PLEKHA3: variants seen among roughly 807,000 people sequenced by gnomAD.
The protein encoded by PLEKHA3 is pleckstrin homology domain-containing family A member 3.
A neutral mutation model predicts 39.2 loss-of-function variants in PLEKHA3; 19 were observed. That is an observed-to-expected ratio of 0.48 (90% CI 0.34 to 0.71). The LOEUF is 0.71. Among genes scored for constraint, PLEKHA3 ranks in the 30% least tolerant of loss-of-function variants. The probability of loss-of-function intolerance (pLI) is 0.01; values close to 1 mark genes in which losing one functional copy is unlikely to be tolerated. For missense variants in PLEKHA3, 253 were observed against 359.5 expected, an observed-to-expected ratio of 0.70 and a Z score of 2.40; for synonymous variants, 97 against 118.6, an observed-to-expected ratio of 0.82 and a Z score of 1.18.
In PLEKHA3 at chr2:178,514,328, G is replaced by A. The variant is rs192553090; in HGVS notation, c.*10441G>A. 1 of 152,204 alleles carries A rather than the reference G, an allele frequency of 6.6e-6. No homozygotes were observed. The highest frequency in any genetic ancestry group is 6.5e-5 in the Admixed American group (1 of 15,294). The allele number at this position is 152,204 out of a possible 1,614,324, so 9.4% of individuals were successfully genotyped here. ...ATGTCTGCATGGGCTTACTAAGAGG[G>A]TGTGGGGAATGGTGGCAGGGGTAAC... On this transcript the variant is annotated 3_prime_UTR_variant, in exon 8 of 8. Coordinates refer to ENST00000234453, the MANE Select transcript of PLEKHA3 (RefSeq NM_019091.4).
chr2:178,503,485 T>G (rs1685561961), intron 7 of PLEKHA3, among the ~76,000 whole-genome samples: 1 of 151,972 alleles, frequency 6.6e-6, no homozygotes. Flanking sequence ...CTACCTATTA[T>G]GTGCCAACCA....
rs1251329377 is a variant in PLEKHA3, at chr2:178,509,560, C to T, written c.*5673C>T. ...TGGAGTGATCTCAGCTCACTGCAGT[C>T]TCGACCTCCCAGGCTCAAATGATCC... On this transcript the variant is annotated 3_prime_UTR_variant, in exon 8 of 8. Transcript: ENST00000234453. The T allele has an allele frequency of 6.6e-6, 1 of 151,352 alleles. No individual in the cohort carries two copies. Among genetic ancestry groups the T allele is most frequent in the Non-Finnish European group, 1.5e-5 (1 of 67,974 alleles). 9.4% of individuals were successfully genotyped at this position (151,352 alleles called of 1,614,324 possible). A position where few individuals can be genotyped will look rare whatever the true frequency, so the allele number is the denominator to read the frequency against.
rs1207614866 is a variant in PLEKHA3 at position 178,515,136 on chromosome 2, T to C, written c.*11249T>C. 6.6e-6 allele frequency: 1 copy of C among 151,778 alleles called. No individual in the cohort carries two copies. Among genetic ancestry groups the C allele is most frequent in the African/African-American group, 2.4e-5 (1 of 41,338 alleles). The allele number at this position is 151,778 out of a possible 1,614,324, so 9.4% of individuals were successfully genotyped here. On this transcript the variant is annotated 3_prime_UTR_variant, in exon 8 of 8. Coordinates refer to ENST00000234453, the MANE Select transcript of PLEKHA3 (RefSeq NM_019091.4). ...ATTTGACTCCTGCAGGTATTTTTTT[T>C]TTTTTCTTTTGGGGGAGTGTGACGG... is the stretch of plus-strand genomic sequence containing the variant.
rs1685587272 is a variant in PLEKHA3, at chr2:178,505,313, AT to A, written c.*1428del. 1 of 151,874 alleles carries A rather than the reference AT, an allele frequency of 6.6e-6. No individual in the cohort carries two copies. The highest frequency in any genetic ancestry group is 1.5e-5 in the Non-Finnish European group (1 of 67,832). 9.4% of individuals were successfully genotyped at this position (151,874 alleles called of 1,614,324 possible). On this transcript the variant is annotated 3_prime_UTR_variant, in exon 8 of 8. Transcript: ENST00000234453. Reference sequence around the variant, plus strand: ...TTTGGTATTTGTTTAAAAAACTGTAATTATAGGCCTTCCATCTTAAGTTTAA... The same window carrying A: ...TTTGGTATTTGTTTAAAAAACTGTAATATAGGCCTTCCATCTTAAGTTTAA...
At chr2:178,486,627 A>G (rs1685254404) in intron 2 of PLEKHA3, among the ~76,000 whole-genome samples, 1 of 152,092 alleles carries the variant, frequency 6.6e-6, no homozygotes, top group South Asian at 2.1e-4. Flanking sequence ...ATAATTCAGT[A>G]TTTTCTTTTG....
rs749774343 is a variant in PLEKHA3, at chr2:178,507,235, C to T, written c.*3348C>T. 3.3e-5 allele frequency: 5 copies of T among 152,142 alleles called. No homozygotes were observed. Among genetic ancestry groups the T allele is most frequent in the Non-Finnish European group, 5.9e-5 (4 of 68,024 alleles). The allele number at this position is 152,142 out of a possible 1,614,324, so 9.4% of individuals were successfully genotyped here. A position where few individuals can be genotyped will look rare whatever the true frequency, so the allele number is the denominator to read the frequency against. On this transcript the variant is annotated 3_prime_UTR_variant, in exon 8 of 8. Coordinates refer to ENST00000234453, the MANE Select transcript of PLEKHA3 (RefSeq NM_019091.4). The stretch of plus-strand genomic sequence containing the variant: ...TTTACTTTACTTAAACTCTCCACCT[C>T]CCACATTTTTCTTCCCCCACCCCTC...
rs150556170 is a variant in PLEKHA3 at position 178,499,788 on chromosome 2, G to A, written c.659+534G>A. On this transcript the variant is annotated intron_variant, in intron 6 of 7. Transcript: ENST00000234453. ...CTAGTTTTGTGTAAGCACGCTCTGT[G>A]ATGTTTGCACAGTGACAGAATCACC... Among the ~76,000 whole-genome samples, 433 of 152,278 alleles carry A rather than the reference G, an allele frequency of 2.8e-3. 2 individuals are homozygous for A. The highest frequency in any genetic ancestry group is 5.2e-3 in the South Asian group (25 of 4,824).
intron 2 of PLEKHA3, among the ~76,000 whole-genome samples, chr2:178,486,302 A>T (rs1374997958): frequency 6.6e-6 from 1 of 152,160 alleles, no homozygotes; most frequent in Non-Finnish European, 1.5e-5. Context: ...GATTTTATGG[A>T]CCATTGATTC....
At position 178,498,762 on chromosome 2, in the gene PLEKHA3, A is replaced by G. The variant is rs1222522317; in HGVS notation, c.616-449A>G. On this transcript the variant is annotated intron_variant, in intron 5 of 7. Coordinates refer to ENST00000234453, the MANE Select transcript of PLEKHA3 (RefSeq NM_019091.4). The stretch of plus-strand genomic sequence containing the variant: ...GAACATTTGTATATCAGCTACCTAA[A>G]TAATTAATGATAAAGAGAAGCTTTG... 5.9e-5 allele frequency among the ~76,000 whole-genome samples: 9 copies of G among 152,144 alleles called. No individual in the cohort carries two copies. In the East Asian group the frequency reaches 1.5e-3, roughly 26 times the overall value.
rs1685746718 is a variant in PLEKHA3 at position 178,515,348 on chromosome 2, TAAATTTCTAA to T, written c.*11462_*11471del. On this transcript the variant is annotated 3_prime_UTR_variant, in exon 8 of 8. Coordinates refer to ENST00000234453, the MANE Select transcript of PLEKHA3 (RefSeq NM_019091.4). The stretch of plus-strand genomic sequence containing the variant: ...TATGGAAATCATGGTTGAATGTTAG[TAAATTTCTAA>T]GAGCTTTCCAATGTTGTCTATAATT... 1 of 152,152 alleles carries T rather than the reference TAAATTTCTAA, an allele frequency of 6.6e-6. No individual in the cohort carries two copies. Among genetic ancestry groups the T allele is most frequent in the Admixed American group, 6.5e-5 (1 of 15,282 alleles). 9.4% of individuals were successfully genotyped at this position (152,152 alleles called of 1,614,324 possible).
Position 178,512,230 on chromosome 2 carries a change from T to C in PLEKHA3, c.*8343T>C, listed in dbSNP as rs1180730919. ...TTGAATAAATAAATAATTCAGAATG[T>C]ATCCACAAAACCTAGAATATATGAC... On this transcript the variant is annotated 3_prime_UTR_variant, in exon 8 of 8. Transcript: ENST00000234453. 1 of 152,238 alleles carries C rather than the reference T, an allele frequency of 6.6e-6. No individual in the cohort carries two copies. Among genetic ancestry groups the C allele is most frequent in the Non-Finnish European group, 1.5e-5 (1 of 68,040 alleles). The allele number at this position is 152,238 out of a possible 1,614,324, so 9.4% of individuals were successfully genotyped here. A position where few individuals can be genotyped will look rare whatever the true frequency, so the allele number is the denominator to read the frequency against.
chr2:178,495,710 G>T, intron 5 of PLEKHA3, 50 bp downstream of exon 5: 1 of 1,531,904 alleles, frequency 6.5e-7, no homozygotes, highest in South Asian at 1.2e-5. Flanking sequence ...TGTTGCATGT[G>T]GTTTTCGTTT....
At chr2:178,497,068 A>G (rs1192287327) in intron 5 of PLEKHA3, among the ~76,000 whole-genome samples, 1 of 151,716 alleles carries the variant, frequency 6.6e-6, no homozygotes, top group Non-Finnish European at 1.5e-5. Context: ...TTACAGGCAT[A>G]AGCCACCATG....
chr2:178,503,848 A>G lies in PLEKHA3; in HGVS notation c.864A>G (p.Gln288=). ...PEESRLMAKK[Q]SESEDTLPSF... is the part of the protein sequence containing the mutation. ...AAAGCAGACTTATGGCCAAAAAACA[A>G]TCTGAATCAGAAGATACTCTTCCAT... is the stretch of plus-strand genomic sequence containing the variant. The change falls in exon 8 of 8, where the codon CAA becomes CAG. Residue 288 remains glutamine (Q), a synonymous_variant. Transcript: ENST00000234453. 6.2e-7 allele frequency: 1 copy of G among 1,611,990 alleles called. No homozygotes were observed. The highest frequency in any genetic ancestry group is 1.1e-5 in the South Asian group (1 of 91,040).
Position 178,503,708 on chromosome 2 carries a change from A to C in PLEKHA3, c.776-52A>C, listed in dbSNP as rs1575147610. 1.9e-6 allele frequency: 3 copies of C among 1,581,720 alleles called. No homozygotes were observed. The East Asian group carries it at 6.8e-5, about 36-fold the overall frequency. ...AATTTAAAATGTTCTTTCACAGAGGACTGGAGTTAATATTGACAGGATGTT... is the reference window on the plus strand; with the variant it reads ...AATTTAAAATGTTCTTTCACAGAGGCCTGGAGTTAATATTGACAGGATGTT... On this transcript the variant is annotated intron_variant, in intron 7 of 7. Coordinates refer to ENST00000234453, the MANE Select transcript of PLEKHA3 (RefSeq NM_019091.4).
At position 178,508,450 on chromosome 2, in the gene PLEKHA3, T is replaced by C. The variant is rs1685636645; in HGVS notation, c.*4563T>C. On this transcript the variant is annotated 3_prime_UTR_variant, in exon 8 of 8. Coordinates refer to ENST00000234453, the MANE Select transcript of PLEKHA3 (RefSeq NM_019091.4). ...TGGTTCTCCCCCTCCCCCACCATGT[T>C]TCTGCTTTCTATTTATTTGTTTTGG... The C allele has an allele frequency of 6.6e-6, 1 of 152,288 alleles. No individual in the cohort carries two copies. Among genetic ancestry groups the C allele is most frequent in the South Asian group, 2.1e-4 (1 of 4,840 alleles). 9.4% of individuals were successfully genotyped at this position (152,288 alleles called of 1,614,324 possible).
rs1185787448 is a variant in PLEKHA3, at chr2:178,508,509, T to G, written c.*4622T>G. 1.3e-5 allele frequency: 2 copies of G among 152,722 alleles called. No homozygotes were observed. Among genetic ancestry groups the G allele is most frequent in the Non-Finnish European group, 2.9e-5 (2 of 68,046 alleles). The allele number at this position is 152,722 out of a possible 1,614,324, so 9.5% of individuals were successfully genotyped here. ...ATTCTGAAGCCTTTCTTAGAAATCA[T>G]CTATTCATATTAGTCATGTATTAAA... On this transcript the variant is annotated 3_prime_UTR_variant, in exon 8 of 8. Coordinates refer to ENST00000234453, the MANE Select transcript of PLEKHA3 (RefSeq NM_019091.4).
At chr2:178,486,601 A>G (rs1685254241) in intron 2 of PLEKHA3, among the ~76,000 whole-genome samples, 2 of 148,194 alleles carry the variant, frequency 1.3e-5, no homozygotes, top group African/African-American at 5.0e-5. Context: ...TTGTCTTTTA[A>G]TGTTTTATAA....
At position 178,511,145 on chromosome 2, in the gene PLEKHA3, A is replaced by T. The variant is rs1575149874; in HGVS notation, c.*7258A>T. 6.6e-6 allele frequency: 1 copy of T among 152,190 alleles called. No individual in the cohort carries two copies. Among genetic ancestry groups the T allele is most frequent in the South Asian group, 2.1e-4 (1 of 4,834 alleles). 9.4% of individuals were successfully genotyped at this position (152,190 alleles called of 1,614,324 possible). A position where few individuals can be genotyped will look rare whatever the true frequency, so the allele number is the denominator to read the frequency against. On this transcript the variant is annotated 3_prime_UTR_variant, in exon 8 of 8. Coordinates refer to ENST00000234453, the MANE Select transcript of PLEKHA3 (RefSeq NM_019091.4). The stretch of plus-strand genomic sequence containing the variant: ...CTACGGCTACAGAGCCGCATACTCG[A>T]AGGAGGGAGATTTTTATTTGTAAGG...
Sources: allele counts gnomAD v4.1 joint callset (sites outside exome capture counted in the v4.1 genomes callset), GRCh38; gene constraint gnomAD v4.1.1; transcripts MANE v1.5; gene names NCBI Gene and HGNC (gene_info 2026-07-23, HGNC 2026-07-21).